GHR: variants seen among roughly 807,000 people sequenced by gnomAD.
The protein encoded by GHR is GH receptor.
In GHR, 35 loss-of-function variants were observed where a neutral mutation model predicts 67.1. The ratio of observed to expected loss-of-function variants is 0.52; its 90% CI spans 0.40 to 0.69. The LOEUF is 0.69. GHR is among the 30% of genes least tolerant of loss of function. The pLI, the probability that GHR is intolerant of heterozygous loss-of-function variation, is 0.00. For missense variants in GHR, 792 were observed against 764.6 expected (o/e 1.04, Z -0.42); for synonymous variants, 272 against 269.1 (o/e 1.01, Z -0.10).
chr5:42,642,513 T>C (rs1754530946), intron 3 of GHR, among the ~76,000 whole-genome samples: 1 of 152,044 alleles, frequency 6.6e-6, no homozygotes, highest in Non-Finnish European at 1.5e-5. Flanking sequence ...TCCTAGTGGG[T>C]TGTTAGTATA....
intron 1 of GHR, among the ~76,000 whole-genome samples, chr5:42,512,579 T>C (rs983465031): frequency 2.0e-5 from 3 of 152,144 alleles, no homozygotes; most frequent in African/African-American, 7.2e-5. Flanking sequence ...TCCCCAGTAC[T>C]CAGATAAGTG....
chr5:42,433,732 ATTTTTTTTTTTTTTT>A lies in GHR; in HGVS notation c.-12+9787_-12+9801del, dbSNP rs35539827. Among the ~76,000 whole-genome samples, 26 of 77,604 alleles carry A rather than the reference ATTTTTTTTTTTTTTT, an allele frequency of 3.4e-4. 2 individuals are homozygous for A. Among genetic ancestry groups the A allele is most frequent in the African/African-American group, 1.3e-3 (24 of 18,568 alleles). 50.9% of individuals were successfully genotyped at this position (77,604 alleles called of 152,430 possible). On this transcript the variant is annotated intron_variant, in intron 1 of 9. Coordinates refer to ENST00000230882, the MANE Select transcript of GHR (RefSeq NM_000163.5). ...CCTGAGCCAGTACTTAAGATATGGT[ATTTTTTTTTTTTTTT>A]TTTTTTTTTGGTTAGGTAGAAGGGT...
At chr5:42,613,920 A>G (rs1324693519) in intron 2 of GHR, among the ~76,000 whole-genome samples, 1 of 152,098 alleles carries the variant, frequency 6.6e-6, no homozygotes, top group Non-Finnish European at 1.5e-5. Flanking sequence ...TGCAAATTTT[A>G]TAGGCCAAAT....
At chr5:42,539,792 A>C (rs546357704) in intron 1 of GHR, among the ~76,000 whole-genome samples, 55 of 152,180 alleles carry the variant, frequency 3.6e-4, no homozygotes, top group African/African-American at 1.3e-3. Flanking sequence ...GTTGTTTTAA[A>C]ATTTTCTCTC....
At chr5:42,598,312 A>AT (rs932725486) in intron 2 of GHR, among the ~76,000 whole-genome samples, 5 of 152,156 alleles carry the variant, frequency 3.3e-5, no homozygotes, top group Non-Finnish European at 7.3e-5. Context: ...GGAGTTTCCA[A>AT]TTTTTCCTTT....
chr5:42,614,044 A>C (rs1219283563), intron 2 of GHR, among the ~76,000 whole-genome samples: 1 of 152,116 alleles, frequency 6.6e-6, no homozygotes, highest in African/African-American at 2.4e-5. Context: ...CCTGAACCGA[A>C]TGCTGGCCTT....
At chr5:42,515,805 G>A (rs1369795890) in intron 1 of GHR, among the ~76,000 whole-genome samples, 2 of 152,176 alleles carry the variant, frequency 1.3e-5, no homozygotes, top group South Asian at 2.1e-4. Context: ...GAGGGCAGTA[G>A]CAACCTTTCC....
At chr5:42,675,798 A>G (rs975501792) in intron 3 of GHR, among the ~76,000 whole-genome samples, 2 of 152,152 alleles carry the variant, frequency 1.3e-5, no homozygotes, top group African/African-American at 4.8e-5. Context: ...TGACCACATA[A>G]CCTCACCTGC....
At chr5:42,674,729 T>A (rs1756486543) in intron 3 of GHR, among the ~76,000 whole-genome samples, 1 of 152,222 alleles carries the variant, frequency 6.6e-6, no homozygotes, top group Non-Finnish European at 1.5e-5. Flanking sequence ...TTATACCACA[T>A]CTTTTTTATC....
intron 2 of GHR, among the ~76,000 whole-genome samples, chr5:42,585,549 T>C (rs1030727170): frequency 1.3e-5 from 2 of 152,248 alleles, no homozygotes; most frequent in South Asian, 4.1e-4. Flanking sequence ...TAAGCACTGA[T>C]GAGCAGGATT....
intron 1 of GHR, among the ~76,000 whole-genome samples, chr5:42,522,247 A>G (rs1229330526): frequency 6.6e-6 from 1 of 152,222 alleles, no homozygotes; most frequent in Non-Finnish European, 1.5e-5. Flanking sequence ...TTTCTGTACA[A>G]GAAAAAAATC....
intron 2 of GHR, among the ~76,000 whole-genome samples, chr5:42,586,075 C>T (rs540629491): frequency 6.6e-6 from 1 of 152,302 alleles, no homozygotes; most frequent in South Asian, 2.1e-4. Flanking sequence ...AAAACTATGG[C>T]ACACAAATGT....
chr5:42,634,028 G>T (rs555606198), intron 3 of GHR, among the ~76,000 whole-genome samples: 1 of 152,032 alleles, frequency 6.6e-6, no homozygotes, highest in Non-Finnish European at 1.5e-5. Flanking sequence ...GCGTAGCACC[G>T]CAGTTTAAGT....
At chr5:42,550,958 C>T (rs889240644) in intron 1 of GHR, among the ~76,000 whole-genome samples, 1 of 152,106 alleles carries the variant, frequency 6.6e-6, no homozygotes, top group East Asian at 1.9e-4. Context: ...TCTCTTTTAC[C>T]GGAACTAACT....
chr5:42,479,827 A>G (rs1287680723), intron 1 of GHR, among the ~76,000 whole-genome samples: 1 of 152,062 alleles, frequency 6.6e-6, no homozygotes, highest in Non-Finnish European at 1.5e-5. Flanking sequence ...TGATCTTTTC[A>G]AAAAACCAGC....
At chr5:42,465,672 G>C in intron 1 of GHR, 1 of 858,658 alleles carries the variant, frequency 1.2e-6, no homozygotes, top group Non-Finnish European at 2.0e-6. Context: ...CCACGTTACA[G>C]GTCCTCGTGC....
At chr5:42,651,836 T>C (rs907636781) in intron 3 of GHR, among the ~76,000 whole-genome samples, 4 of 152,166 alleles carry the variant, frequency 2.6e-5, no homozygotes, top group African/African-American at 4.8e-5. Flanking sequence ...AGTTAAACTC[T>C]TGGCTTTAAA....
chr5:42,433,944 G>A (rs912039287), intron 1 of GHR, among the ~76,000 whole-genome samples: 2 of 151,980 alleles, frequency 1.3e-5, no homozygotes, highest in African/African-American at 4.8e-5. Context: ...CTCATCCCTT[G>A]GGTAGGGCTA....
At chr5:42,504,727 C>A (rs1375894423) in intron 1 of GHR, among the ~76,000 whole-genome samples, 1 of 152,046 alleles carries the variant, frequency 6.6e-6, no homozygotes, top group Non-Finnish European at 1.5e-5. Flanking sequence ...CCACTGCACT[C>A]CAGCCTGAGA....
Sources: allele counts gnomAD v4.1 joint callset (sites outside exome capture counted in the v4.1 genomes callset), GRCh38; gene constraint gnomAD v4.1.1; transcripts MANE v1.5; gene names NCBI Gene and HGNC (gene_info 2026-07-23, HGNC 2026-07-21).